Variants in EVI5 observed in about 807,000 individuals in gnomAD.
EVI5 encodes ecotropic viral integration site 5.
A neutral mutation model predicts 112.0 loss-of-function variants in EVI5; 73 were observed. That is an observed-to-expected ratio of 0.65 (90% CI 0.54 to 0.79). The LOEUF (loss-of-function observed/expected upper bound fraction) is 0.79, where lower values mean the gene tolerates loss of function less well. Among genes scored for constraint, EVI5 ranks in the 30% least tolerant of loss-of-function variants. EVI5 has a pLI of 0.00. For missense variants in EVI5, 900 were observed against 968.8 expected, an observed-to-expected ratio of 0.93 and a Z score of 0.94; for synonymous variants, 305 against 319.9, an observed-to-expected ratio of 0.95 and a Z score of 0.50.
intron 13 of EVI5, among the ~76,000 whole-genome samples, chr1:92,646,060 G>A (rs999087405): frequency 6.6e-6 from 1 of 152,032 alleles, no homozygotes; most frequent in Non-Finnish European, 1.5e-5. Context: ...TCTAGCACAG[G>A]GACTTTACAC....
chr1:92,546,913 C>T (rs1470527741), intron 19 of EVI5, among the ~76,000 whole-genome samples: 1 of 152,032 alleles, frequency 6.6e-6, no homozygotes, highest in African/African-American at 2.4e-5. Context: ...ACTTTAACAC[C>T]CCACTGTCAA....
intron 18 of EVI5, among the ~76,000 whole-genome samples, chr1:92,578,178 T>G (rs1671368735): frequency 6.6e-6 from 1 of 152,226 alleles, no homozygotes; most frequent in African/African-American, 2.4e-5. Flanking sequence ...TCTGTCATTC[T>G]ACTAATCCAC....
chr1:92,579,030 T>G (rs1255283500), intron 18 of EVI5, among the ~76,000 whole-genome samples: 1 of 152,124 alleles, frequency 6.6e-6, no homozygotes, highest in Non-Finnish European at 1.5e-5. Context: ...AAAATCAGGA[T>G]TTTGATTTGA....
intron 18 of EVI5, among the ~76,000 whole-genome samples, chr1:92,581,938 T>C (rs1425528051): frequency 6.6e-6 from 1 of 152,206 alleles, no homozygotes; most frequent in Non-Finnish European, 1.5e-5. Context: ...GCACCAGGCA[T>C]ACAGCAGTAA....
rs1163468474 is a variant in EVI5, at chr1:92,705,043, G to A, written c.150-299C>T. Among the ~76,000 whole-genome samples, 4 of 152,166 alleles carry A rather than the reference G, an allele frequency of 2.6e-5. No homozygotes were observed. In the East Asian group the frequency reaches 5.8e-4, roughly 22 times the overall value. On this transcript the variant is annotated intron_variant, in intron 2 of 19. Transcript: ENST00000684568. Reference sequence around the variant, plus strand: ...AAATTCAAATTAGGGGAAATCTGATGAGAAAAGTATTTGGGTAGGCTTCAG... The same window carrying A: ...AAATTCAAATTAGGGGAAATCTGATAAGAAAAGTATTTGGGTAGGCTTCAG...
At chr1:92,703,669 T>C in intron 3 of EVI5, 50 bp from the exon 4 acceptor site, 1 of 1,173,930 alleles carries the variant, frequency 8.5e-7, no homozygotes, top group Non-Finnish European at 1.2e-6. Context: ...TGTCCTATCT[T>C]GCAAGCCAAG....
intron 9 of EVI5, among the ~76,000 whole-genome samples, chr1:92,677,562 A>G (rs1331400350): frequency 1.3e-5 from 2 of 152,220 alleles, no homozygotes; most frequent in Non-Finnish European, 2.9e-5. Context: ...TGTAGGTTCA[A>G]CTGGCTCTTA....
At chr1:92,607,501 A>T in intron 17 of EVI5, 80 bp downstream of exon 17, 1 of 1,001,854 alleles carries the variant, frequency 1.0e-6, no homozygotes, top group Non-Finnish European at 1.4e-6. Context: ...TTTTTAAGAT[A>T]ATCTAATCAC....
chr1:92,631,578 G>A (rs2101851691), intron 14 of EVI5, among the ~76,000 whole-genome samples: 1 of 152,216 alleles, frequency 6.6e-6, no homozygotes, highest in East Asian at 1.9e-4. Context: ...AGGAGATTCT[G>A]GGCTGAGATG....
intron 18 of EVI5, among the ~76,000 whole-genome samples, chr1:92,574,478 G>C (rs975109676): frequency 6.6e-6 from 1 of 152,116 alleles, no homozygotes; most frequent in South Asian, 2.1e-4. Flanking sequence ...ACAGTTCTAA[G>C]TAGCATGGTT....
chr1:92,675,631 G>A (rs1410859525), intron 10 of EVI5, among the ~76,000 whole-genome samples: 1 of 151,984 alleles, frequency 6.6e-6, no homozygotes, highest in Non-Finnish European at 1.5e-5. Context: ...TTTACTTGCA[G>A]TAAAAGTACC....
In EVI5 at chr1:92,706,324, T is replaced by C. The variant is rs535438976; in HGVS notation, c.150-1580A>G. ...ATATTATTTCAGTAAGTCCGTAATA[T>C]ATCTTATGGAAAAATTAGTTTACAT... On this transcript the variant is annotated intron_variant, in intron 2 of 19. Transcript: ENST00000684568. Among the ~76,000 whole-genome samples, 87 of 152,304 alleles carry C rather than the reference T, an allele frequency of 5.7e-4. 1 individual carries two copies. The South Asian group carries it at 0.018, about 31-fold the overall frequency.
chr1:92,653,356 G>A (rs1179549609), intron 13 of EVI5, among the ~76,000 whole-genome samples: 2 of 152,220 alleles, frequency 1.3e-5, no homozygotes, highest in South Asian at 2.1e-4. Context: ...CTGGGACAAA[G>A]GAAACCAGAA....
In EVI5 at chr1:92,748,882, CA is replaced by C. The variant is rs202218345; in HGVS notation, c.-81-12256del. 4.3e-3 allele frequency among the ~76,000 whole-genome samples: 655 copies of C among 151,954 alleles called. 5 individuals carry two copies. The highest frequency in any genetic ancestry group is 0.015 in the African/African-American group (622 of 41,454). On this transcript the variant is annotated intron_variant, in intron 1 of 19. Transcript: ENST00000684568. ...GGGAGTTTGACACCAGCCTGACCAACAGAAGAAACCCCATCTCTACTAAAAA... is the reference window on the plus strand; with the variant it reads ...GGGAGTTTGACACCAGCCTGACCAACGAAGAAACCCCATCTCTACTAAAAA...
chr1:92,532,556 G>A (rs923023692), intron 19 of EVI5, among the ~76,000 whole-genome samples: 2 of 152,102 alleles, frequency 1.3e-5, no homozygotes, highest in African/African-American at 2.4e-5. Context: ...CTCAGCAAAT[G>A]CAAAAGAACG....
intron 18 of EVI5, among the ~76,000 whole-genome samples, chr1:92,588,618 T>A (rs1263086647): frequency 1.3e-5 from 2 of 152,244 alleles, no homozygotes; most frequent in Non-Finnish European, 2.9e-5. Flanking sequence ...AGATTTATTT[T>A]TTTCATCTAA....
At chr1:92,585,629 G>T (rs1672654754) in intron 18 of EVI5, among the ~76,000 whole-genome samples, 1 of 151,812 alleles carries the variant, frequency 6.6e-6, no homozygotes, top group South Asian at 2.1e-4. Context: ...TAAAAACTAT[G>T]GACTCACAAA....
At chr1:92,550,813 T>TATATATATATATATATAA (rs1346523555) in intron 19 of EVI5, among the ~76,000 whole-genome samples, 2 of 80,120 alleles carry the variant, frequency 2.5e-5, no homozygotes, top group African/African-American at 1.1e-4. Context: ...TATATATATA[T>TATATATATATATATATAA]AACAAAAAAA....
At position 92,512,177 on chromosome 1, in the gene EVI5, T is replaced by G. The variant is rs1452526971; in HGVS notation, c.*1479A>C. 2.6e-5 allele frequency: 4 copies of G among 152,606 alleles called. No individual in the cohort carries two copies. Among genetic ancestry groups the G allele is most frequent in the Non-Finnish European group, 5.9e-5 (4 of 68,024 alleles). 9.5% of individuals were successfully genotyped at this position (152,606 alleles called of 1,614,324 possible). A position where few individuals can be genotyped will look rare whatever the true frequency, so the allele number is the denominator to read the frequency against. On this transcript the variant is annotated 3_prime_UTR_variant, in exon 20 of 20. Transcript: ENST00000684568. ...AATATCTAAATGATATAGGAAAAAC[T>G]GGTAGGAAAGGATTCTTATGGCTTT...
Sources: gnomAD v4.1 joint callset for allele counts (sites outside exome capture counted in the v4.1 genomes callset) on GRCh38, gnomAD v4.1.1 for gene constraint, MANE v1.5 for transcripts, NCBI Gene and HGNC (gene_info 2026-07-23, HGNC 2026-07-21) for gene names.